The following GET1 variants were observed in gnomAD, a reference collection of about 807,000 sequenced individuals.
The protein encoded by GET1 is congenital heart disease 5 protein.
A neutral mutation model predicts 22.6 loss-of-function variants in GET1; 20 were observed. That is an observed-to-expected ratio of 0.89 (90% CI 0.62 to 1.29). The LOEUF is 1.29. Ranked by LOEUF, GET1 falls within the 50% of genes most tolerant of loss-of-function variation. GET1 has a pLI of 0.00. For missense variants in GET1, 209 were observed against 219.9 expected, an observed-to-expected ratio of 0.95 and a Z score of 0.31; for synonymous variants, 92 against 83.8, an observed-to-expected ratio of 1.10 and a Z score of -0.53.
At chr21:39,408,220 T>TA (rs2039446081), downstream of GET1, among the ~76,000 whole-genome samples, 1 of 152,198 alleles carries the variant, frequency 6.6e-6, no homozygotes, top group African/African-American at 2.4e-5. Context: ...ACCCTCAACC[T>TA]AGAGTTTCCT....
intron 1 of GET1, chr21:39,425,822 GATCC>G (rs2074591183): frequency 6.6e-6 from 1 of 152,274 alleles, no homozygotes; most frequent in Non-Finnish European, 1.5e-5. Flanking sequence ...TGCGTGATGG[GATCC>G]ATGGGCACTG....
chr21:39,387,501 C>A (rs1174144602), intron 1 of GET1, among the ~76,000 whole-genome samples: 2 of 152,248 alleles, frequency 1.3e-5, no homozygotes, highest in East Asian at 3.8e-4. Flanking sequence ...CTATTTCCTT[C>A]TCCAGAGTGG....
At chr21:39,416,950 A>G (rs1300937753) in intron 1 of GET1, among the ~76,000 whole-genome samples, 1 of 152,166 alleles carries the variant, frequency 6.6e-6, no homozygotes, top group African/African-American at 2.4e-5. Context: ...CCCTGTCTGC[A>G]GGTTCTGCAT....
intron 1 of GET1, among the ~76,000 whole-genome samples, chr21:39,388,664 G>A (rs1011125047): frequency 1.3e-5 from 2 of 152,204 alleles, no homozygotes; most frequent in African/African-American, 4.8e-5. Flanking sequence ...CCTTGGGGTA[G>A]GTGCCAGAGG....
At chr21:39,419,256 G>A (rs190270572) in intron 1 of GET1, among the ~76,000 whole-genome samples, 1 of 152,234 alleles carries the variant, frequency 6.6e-6, no homozygotes, top group African/African-American at 2.4e-5. Flanking sequence ...TGGGTGTGGT[G>A]GCTCACACCT....
chr21:39,407,133 G>A (rs1448523433), downstream of GET1, among the ~76,000 whole-genome samples: 3 of 152,176 alleles, frequency 2.0e-5, no homozygotes, highest in Non-Finnish European at 4.4e-5. Flanking sequence ...AGGCTAAGGT[G>A]GGAGGATCAC....
At chr21:39,408,152 G>A (rs139177328), downstream of GET1, among the ~76,000 whole-genome samples, 95 of 152,270 alleles carry the variant, frequency 6.2e-4, no homozygotes, top group African/African-American at 2.2e-3. Context: ...GATCTCCCAC[G>A]AGTGGTAATG....
chr21:39,410,113 C>G (rs1322946969), downstream of GET1: 5 of 1,533,370 alleles, frequency 3.3e-6, no homozygotes, highest in African/African-American at 1.4e-5. Context: ...TTTAGAAAAG[C>G]AGCAAAAACA....
At chr21:39,413,332 A>T (rs1418998116) in intron 1 of GET1, among the ~76,000 whole-genome samples, 1 of 152,184 alleles carries the variant, frequency 6.6e-6, no homozygotes, top group Non-Finnish European at 1.5e-5. Flanking sequence ...AGTCTAAGAG[A>T]CAACCTAGCA....
downstream of GET1, among the ~76,000 whole-genome samples, chr21:39,400,019 G>A (rs932553320): frequency 6.6e-6 from 1 of 151,698 alleles, no homozygotes; most frequent in African/African-American, 2.4e-5. Flanking sequence ...ACCATGCCCA[G>A]CCCATAATCA....
downstream of GET1, among the ~76,000 whole-genome samples, chr21:39,408,142 G>C (rs1438584069): frequency 2.6e-5 from 4 of 152,194 alleles, no homozygotes; most frequent in Non-Finnish European, 5.9e-5. Flanking sequence ...GCTGCAGCCA[G>C]ATCTCCCACG....
downstream of GET1, among the ~76,000 whole-genome samples, chr21:39,399,256 A>G (rs572877016): frequency 9.8e-5 from 15 of 152,360 alleles, no homozygotes; most frequent in Admixed American, 8.5e-4. Context: ...AATAATACCT[A>G]AAAAGACAAA....
At chr21:39,418,578 G>A (rs2041717481) in intron 1 of GET1, among the ~76,000 whole-genome samples, 2 of 152,006 alleles carry the variant, frequency 1.3e-5, no homozygotes, top group South Asian at 4.1e-4. Context: ...TTGGCTCACT[G>A]CAACCTCTGC....
chr21:39,382,648 T>A (rs1050088335), intron 1 of GET1, among the ~76,000 whole-genome samples: 12 of 152,394 alleles, frequency 7.9e-5, no homozygotes, highest in Admixed American at 7.8e-4. Flanking sequence ...ACATTTTGTT[T>A]ATTAGTTCAT....
chr21:39,406,271 C>T (rs753046440), exon 5 of GET1: 1 of 1,614,210 alleles, frequency 6.2e-7, no homozygotes, highest in African/African-American at 1.3e-5. Flanking sequence ...TTGGCTGGCC[C>T]CCCTGAAGCA....
At chr21:39,424,482 AAAAC>A (rs370681316) in intron 1 of GET1, among the ~76,000 whole-genome samples, 84 of 152,340 alleles carry the variant, frequency 5.5e-4, no homozygotes, top group African/African-American at 1.9e-3. Flanking sequence ...CCCTGTCTCA[AAAAC>A]AAACAAACCA....
intron 1 of GET1, among the ~76,000 whole-genome samples, chr21:39,420,522 CAAAAA>C (rs397972848): frequency 1.1e-5 from 1 of 87,158 alleles, no homozygotes; most frequent in South Asian, 5.1e-4. Context: ...GATTCTATCT[CAAAAA>C]AAAAAAAAAA....
chr21:39,391,437 G>A, intron 2 of GET1: 1 of 330,026 alleles, frequency 3.0e-6, no homozygotes, highest in Non-Finnish European at 5.7e-6. Context: ...TTCGTGTACT[G>A]TGCACACTGG....
intron 1 of GET1, chr21:39,422,922 CCTCT>C (rs760289171): frequency 1.3e-5 from 20 of 1,523,768 alleles, no homozygotes; most frequent in South Asian, 7.3e-5. Context: ...TAATTCACAC[CCTCT>C]CTCTATTAAC....
Sources: gnomAD v4.1 joint callset for allele counts (sites outside exome capture counted in the v4.1 genomes callset) on GRCh38, gnomAD v4.1.1 for gene constraint, MANE v1.5 for transcripts, NCBI Gene and HGNC (gene_info 2026-07-23, HGNC 2026-07-21) for gene names.